The following ZC4H2 variants were observed in gnomAD, a reference collection of about 807,000 sequenced individuals.
The protein encoded by ZC4H2 is zinc finger C4H2 domain-containing protein.
For missense variants in ZC4H2, 137 were observed against 173.9 expected, an observed-to-expected ratio of 0.79 and a Z score of 1.19; for synonymous variants, 84 against 66.3, an observed-to-expected ratio of 1.27 and a Z score of -1.30.
intron 1 of ZC4H2, among the ~76,000 whole-genome samples, chrX:64,985,824 G>A (rs192705017): frequency 8.9e-6 from 1 of 111,784 alleles, no homozygotes; most frequent in East Asian, 2.8e-4. Flanking sequence ...ACTCCTCTAA[G>A]CCATCACATT....
intron 1 of ZC4H2, among the ~76,000 whole-genome samples, chrX:64,990,497 G>C (rs1401321160): frequency 9.0e-6 from 1 of 111,400 alleles, no homozygotes; most frequent in Non-Finnish European, 1.9e-5. Flanking sequence ...TTCTGCAAGG[G>C]GTTACTATTG....
At chrX:65,019,160 AC>A (rs762090767) in intron 1 of ZC4H2, among the ~76,000 whole-genome samples, 36 of 111,819 alleles carry the variant, frequency 3.2e-4, no homozygotes, top group Non-Finnish European at 6.4e-4. Flanking sequence ...GAAGCAGATC[AC>A]CCAGGACAGC....
chrX:65,024,182 A>C (rs1932858773), intron 1 of ZC4H2, among the ~76,000 whole-genome samples: 1 of 110,512 alleles, frequency 9.0e-6, no homozygotes, highest in African/African-American at 3.3e-5. Flanking sequence ...TGGGGGCAGC[A>C]AACCACCAGG....
intron 1 of ZC4H2, among the ~76,000 whole-genome samples, chrX:64,974,205 T>G (rs1931869768): frequency 8.9e-6 from 1 of 111,908 alleles, no homozygotes; most frequent in African/African-American, 3.2e-5. Flanking sequence ...ATCCATTGAG[T>G]TTTTTGGGGT....
chrX:64,966,263 C>T (rs2147409907), intron 1 of ZC4H2, among the ~76,000 whole-genome samples: 1 of 112,305 alleles, frequency 8.9e-6, no homozygotes, highest in Admixed American at 9.4e-5. Context: ...CACATCACAC[C>T]ACTAGGATGG....
chrX:64,962,088 A>G (rs1039557899), intron 1 of ZC4H2, among the ~76,000 whole-genome samples: 10 of 111,562 alleles, frequency 9.0e-5, no homozygotes, highest in African/African-American at 3.2e-4. Flanking sequence ...CTAATAATAA[A>G]GCTAGATGAA....
chrX:64,982,747 A>G (rs1932107883), intron 1 of ZC4H2, among the ~76,000 whole-genome samples: 2 of 112,125 alleles, frequency 1.8e-5, no homozygotes, highest in Non-Finnish European at 3.8e-5. Flanking sequence ...ATGATAACTT[A>G]TAAAGCCACA....
chrX:64,944,064 G>A (rs1291700038), intron 1 of ZC4H2, among the ~76,000 whole-genome samples: 1 of 110,533 alleles, frequency 9.0e-6, no homozygotes, highest in African/African-American at 3.3e-5. Flanking sequence ...TGTCTGTAAA[G>A]GATTTTCTTT....
intron 1 of ZC4H2, among the ~76,000 whole-genome samples, chrX:65,004,236 C>T (rs1932610723): frequency 8.9e-6 from 1 of 111,821 alleles, no homozygotes; most frequent in Admixed American, 9.5e-5. Context: ...TTTTAAGAGG[C>T]CAACATCATC....
At chrX:65,003,710 T>C (rs186353862) in intron 1 of ZC4H2, among the ~76,000 whole-genome samples, 2 of 109,839 alleles carry the variant, frequency 1.8e-5, no homozygotes, top group East Asian at 5.8e-4. Flanking sequence ...ACCCCGTCTC[T>C]ATTAAAAATA....
exon 1 of ZC4H2, chrX:65,034,698 T>A (rs1314011220): frequency 8.9e-6 from 1 of 112,803 alleles, no homozygotes; most frequent in Non-Finnish European, 1.9e-5. Context: ...GGCCTGCTGG[T>A]CTGAGCTCCG....
chrX:64,979,205 C>T (rs747833198), upstream of ZC4H2, among the ~76,000 whole-genome samples: 1 of 111,949 alleles, frequency 8.9e-6, no homozygotes, highest in Admixed American at 9.4e-5. Flanking sequence ...CTGTGCTCTT[C>T]CTATGGCCCC....
chrX:64,972,808 C>A (rs960622454), intron 1 of ZC4H2, among the ~76,000 whole-genome samples: 1 of 111,823 alleles, frequency 8.9e-6, no homozygotes, highest in African/African-American at 3.3e-5. Context: ...GTTTCTTTGA[C>A]CCTTTGCTCC....
At chrX:64,930,597 G>C (rs946689591) in intron 1 of ZC4H2, among the ~76,000 whole-genome samples, 3 of 111,803 alleles carry the variant, frequency 2.7e-5, no homozygotes, top group Non-Finnish European at 5.7e-5. Flanking sequence ...TTTATCAGAT[G>C]CTTTTTCTGC....
At chrX:64,955,845 A>G (rs1213401231) in intron 1 of ZC4H2, among the ~76,000 whole-genome samples, 1 of 112,143 alleles carries the variant, frequency 8.9e-6, no homozygotes, top group African/African-American at 3.2e-5. Flanking sequence ...CGAAGGCTCA[A>G]TGTAGACAAG....
chrX:64,956,612 C>A (rs940494329), intron 1 of ZC4H2, among the ~76,000 whole-genome samples: 2 of 111,447 alleles, frequency 1.8e-5, no homozygotes, highest in African/African-American at 6.5e-5. Flanking sequence ...AAGAACCTGA[C>A]CCGAAAAGTA....
chrX:65,027,744 C>A (rs150760555), intron 1 of ZC4H2, among the ~76,000 whole-genome samples: 124 of 111,757 alleles, frequency 1.1e-3, no homozygotes, highest in African/African-American at 3.8e-3. Flanking sequence ...AATTTCAGCA[C>A]ACCAAGAGAC....
intron 1 of ZC4H2, among the ~76,000 whole-genome samples, chrX:65,024,221 C>T (rs1353855876): frequency 9.0e-6 from 1 of 110,583 alleles, no homozygotes; most frequent in African/African-American, 3.3e-5. Context: ...AACAAACCTG[C>T]ATGTTCTGCA....
At chrX:64,930,657 T>C (rs186642565) in intron 1 of ZC4H2, among the ~76,000 whole-genome samples, 5 of 112,499 alleles carry the variant, frequency 4.4e-5, no homozygotes, top group Non-Finnish European at 5.6e-5. Flanking sequence ...GTTTATGTGA[T>C]GTATCACATT....
Sources: gnomAD v4.1 joint callset for allele counts (sites outside exome capture counted in the v4.1 genomes callset) on GRCh38, gnomAD v4.1.1 for gene constraint, MANE v1.5 for transcripts, NCBI Gene and HGNC (gene_info 2026-07-23, HGNC 2026-07-21) for gene names.